ARMH3: variants seen among roughly 807,000 people sequenced by gnomAD.
ARMH3 encodes armadillo like helical domain containing 3.
Under a neutral mutation model 99.1 loss-of-function variants are expected in ARMH3, and 60 were observed. The observed-to-expected ratio is 0.61, with a 90% CI of 0.49 to 0.75. The LOEUF (loss-of-function observed/expected upper bound fraction) is 0.75. Ranked by LOEUF, ARMH3 falls within the 30% of genes least tolerant of loss-of-function variation. ARMH3 has a pLI of 0.00. For missense variants in ARMH3, 679 were observed against 843.1 expected (o/e 0.81, Z 2.41); for synonymous variants, 285 against 292.8 (o/e 0.97, Z 0.27).
At chr10:101,900,982 T>C (rs1464176337) in intron 23 of ARMH3, among the ~76,000 whole-genome samples, 3 of 151,908 alleles carry the variant, frequency 2.0e-5, no homozygotes, top group Non-Finnish European at 2.9e-5. Flanking sequence ...AGACCCTGTC[T>C]CTAAAAATAA....
At chr10:102,011,432 A>C (rs1326888563) in intron 11 of ARMH3, among the ~76,000 whole-genome samples, 1 of 152,010 alleles carries the variant, frequency 6.6e-6, no homozygotes, top group African/African-American at 2.4e-5. Flanking sequence ...AAATTAATTA[A>C]TTAATTAATT....
At chr10:101,926,102 T>C (rs1368688301) in intron 23 of ARMH3, among the ~76,000 whole-genome samples, 2 of 152,234 alleles carry the variant, frequency 1.3e-5, no homozygotes, top group Non-Finnish European at 2.9e-5. Context: ...CAGGAACTAC[T>C]AACCTGCAGG....
At chr10:101,896,504 T>C (rs549598599) in intron 23 of ARMH3, among the ~76,000 whole-genome samples, 46 of 152,228 alleles carry the variant, frequency 3.0e-4, no homozygotes, top group Non-Finnish European at 5.3e-4. Flanking sequence ...TAGATTGTGA[T>C]GATGGTTGTA....
rs1175035606 is a variant in ARMH3, at chr10:102,043,951, C to T, written c.-11-3826G>A. On this transcript the variant is annotated intron_variant, in intron 1 of 25. Transcript: ENST00000370033. Reference sequence around the variant, plus strand: ...TTGTTTTTTGAGACAGAGTCTCACTCTGTCACCCAGGCTGGAGTGCAGTGG... The same window carrying T: ...TTGTTTTTTGAGACAGAGTCTCACTTTGTCACCCAGGCTGGAGTGCAGTGG... 2.6e-5 allele frequency among the ~76,000 whole-genome samples: 4 copies of T among 152,238 alleles called. No individual in the cohort carries two copies. The East Asian group carries it at 7.7e-4, about 29-fold the overall frequency.
chr10:101,934,731 A>C (rs937097455), intron 23 of ARMH3, among the ~76,000 whole-genome samples: 1 of 152,174 alleles, frequency 6.6e-6, no homozygotes, highest in Non-Finnish European at 1.5e-5. Context: ...AGATTCATTA[A>C]GGGCCTCAAA....
chr10:102,023,831 G>T (rs747867495), intron 6 of ARMH3, 82 bp from the exon 7 acceptor site: 38 of 1,288,426 alleles, frequency 2.9e-5, no homozygotes, highest in African/African-American at 6.0e-5. Context: ...ACATCTAAGA[G>T]AAACAAAAAT....
chr10:101,876,905 C>T (rs369998869), intron 24 of ARMH3, among the ~76,000 whole-genome samples: 1 of 152,068 alleles, frequency 6.6e-6, no homozygotes, highest in South Asian at 2.1e-4. Context: ...TCTCCAGTAA[C>T]CTCTTCAAAA....
chr10:102,052,491 T>G (rs1210921108), intron 1 of ARMH3, among the ~76,000 whole-genome samples: 2 of 152,180 alleles, frequency 1.3e-5, no homozygotes, highest in Admixed American at 6.6e-5. Context: ...CCCAAAGTGC[T>G]GGGATTACAG....
At chr10:102,007,833 C>CAAAAAAAA (rs529858697) in intron 13 of ARMH3, among the ~76,000 whole-genome samples, 5 of 48,938 alleles carry the variant, frequency 1.0e-4, no homozygotes, top group Non-Finnish European at 2.1e-4. Flanking sequence ...ACACCATCTC[C>CAAAAAAAA]AAAAAAAAAA....
In ARMH3 at chr10:101,846,072, C is replaced by G. The variant is rs2066461898; in HGVS notation, c.*1456G>C. ...CTATAGTGGTTCCATGGAGGCTATC[C>G]AAGGGAGGAACCACAAGCCAACTCC... On this transcript the variant is annotated 3_prime_UTR_variant, in exon 26 of 26. Transcript: ENST00000370033. The G allele has an allele frequency of 6.6e-6, 1 of 152,138 alleles. No homozygotes were observed. Among genetic ancestry groups the G allele is most frequent in the African/African-American group, 2.4e-5 (1 of 41,418 alleles). 9.4% of individuals were successfully genotyped at this position (152,138 alleles called of 1,614,324 possible). A position where few individuals can be genotyped will look rare whatever the true frequency, so the allele number is the denominator to read the frequency against.
chr10:101,869,351 T>C (rs1009696265), intron 24 of ARMH3, among the ~76,000 whole-genome samples: 11 of 152,192 alleles, frequency 7.2e-5, no homozygotes, highest in African/African-American at 2.2e-4. Flanking sequence ...CAAGATGGAC[T>C]GTACAATGGA....
At chr10:101,869,069 C>T (rs988242213) in intron 24 of ARMH3, among the ~76,000 whole-genome samples, 7 of 138,876 alleles carry the variant, frequency 5.0e-5, no homozygotes, top group Admixed American at 3.7e-4. Context: ...GAGACTCTGT[C>T]TCAAAAAAAA....
chr10:101,917,808 C>G (rs909071408), intron 23 of ARMH3, among the ~76,000 whole-genome samples: 1 of 152,168 alleles, frequency 6.6e-6, no homozygotes, highest in Non-Finnish European at 1.5e-5. Flanking sequence ...TTCATTAATA[C>G]TTTGTTTACT....
At chr10:101,898,187 A>AT (rs201720815) in intron 23 of ARMH3, among the ~76,000 whole-genome samples, 2,517 of 148,800 alleles carry the variant, frequency 0.017, 27 homozygotes, top group Non-Finnish European at 0.024. Flanking sequence ...AAAAAAAAAA[A>AT]TTTTTTTTTT....
intron 8 of ARMH3, among the ~76,000 whole-genome samples, chr10:102,015,801 T>C (rs1387213784): frequency 6.6e-6 from 1 of 152,226 alleles, no homozygotes; most frequent in African/African-American, 2.4e-5. Context: ...TTCTATTTCC[T>C]CATCTGTAAA....
At chr10:102,050,131 A>T (rs961785933) in intron 1 of ARMH3, among the ~76,000 whole-genome samples, 1 of 152,024 alleles carries the variant, frequency 6.6e-6, no homozygotes, top group Non-Finnish European at 1.5e-5. Flanking sequence ...CGATAGAGCC[A>T]GACTCAGTCT....
At chr10:102,040,429 A>C (rs2067383066) in intron 1 of ARMH3, among the ~76,000 whole-genome samples, 1 of 152,224 alleles carries the variant, frequency 6.6e-6, no homozygotes, top group Admixed American at 6.5e-5. Context: ...CAGCTCTAAA[A>C]AAATTAAATC....
chr10:101,865,628 A>G (rs1336547220), intron 24 of ARMH3, among the ~76,000 whole-genome samples: 2 of 152,060 alleles, frequency 1.3e-5, no homozygotes, highest in Non-Finnish European at 2.9e-5. Flanking sequence ...AGCTGGGATT[A>G]CAGGCATGAA....
chr10:102,042,656 C>A lies in ARMH3; in HGVS notation c.-11-2531G>T, dbSNP rs1244768638. Among the ~76,000 whole-genome samples, 5 of 152,220 alleles carry A rather than the reference C, an allele frequency of 3.3e-5. No homozygotes were observed. The East Asian group carries it at 9.6e-4, about 29-fold the overall frequency. On this transcript the variant is annotated intron_variant, in intron 1 of 25. Coordinates refer to ENST00000370033, the MANE Select transcript of ARMH3 (RefSeq NM_024541.3). The stretch of plus-strand genomic sequence containing the variant: ...TGACTGGAAAATGACAACATAAAGT[C>A]TTCTCCTCCTGCCAGCACTCCTACC...
Sources: allele counts gnomAD v4.1 joint callset (sites outside exome capture counted in the v4.1 genomes callset), GRCh38; gene constraint gnomAD v4.1.1; transcripts MANE v1.5; gene names NCBI Gene and HGNC (gene_info 2026-07-23, HGNC 2026-07-21).